NCALD: variants seen among roughly 807,000 people sequenced by gnomAD.
NCALD encodes neurocalcin delta.
Under a neutral mutation model 18.6 loss-of-function variants are expected in NCALD, and 10 were observed. That is an observed-to-expected ratio of 0.54 (90% CI 0.33 to 0.91). NCALD has a LOEUF of 0.91. Ranked by LOEUF, NCALD falls within the 40% of genes least tolerant of loss-of-function variation. NCALD has a pLI of 0.03. For missense variants in NCALD, 184 were observed against 247.6 expected (o/e 0.74, Z 1.72); for synonymous variants, 88 against 87.4 (o/e 1.01, Z -0.04).
chr8:101,791,150 G>A (rs747169634), upstream of NCALD, among the ~76,000 whole-genome samples: 7 of 152,118 alleles, frequency 4.6e-5, no homozygotes, highest in Non-Finnish European at 1.0e-4. Flanking sequence ...ATGTGTGTAC[G>A]CACACACCAT....
intron 2 of NCALD, among the ~76,000 whole-genome samples, chr8:101,984,225 A>G (rs574567840): frequency 1.8e-4 from 27 of 152,344 alleles, no homozygotes; most frequent in African/African-American, 6.3e-4. Context: ...CCTGTATTCA[A>G]TTAAAATATT....
chr8:102,048,142 C>G (rs1179302274), intron 1 of NCALD, among the ~76,000 whole-genome samples: 2 of 152,124 alleles, frequency 1.3e-5, no homozygotes, highest in East Asian at 3.8e-4. Flanking sequence ...AATATTGGAG[C>G]TTTAAGTTAT....
At chr8:101,829,534 T>C (rs1814081555) in intron 4 of NCALD, among the ~76,000 whole-genome samples, 1 of 152,234 alleles carries the variant, frequency 6.6e-6, no homozygotes, top group Non-Finnish European at 1.5e-5. Context: ...GAATGACTTT[T>C]ATCTGGCTCA....
At chr8:102,048,862 T>C (rs1586978350) in intron 1 of NCALD, among the ~76,000 whole-genome samples, 1 of 152,200 alleles carries the variant, frequency 6.6e-6, no homozygotes, top group East Asian at 1.9e-4. Context: ...AGTTGCCTCT[T>C]ACCCTTCAGT....
intron 4 of NCALD, among the ~76,000 whole-genome samples, chr8:101,873,006 GC>G (rs1816085034): frequency 6.6e-6 from 1 of 152,210 alleles, no homozygotes. Flanking sequence ...GCTTCTGCAA[GC>G]AACTGCATTT....
At chr8:101,882,181 TAAC>T (rs907816667) in intron 4 of NCALD, among the ~76,000 whole-genome samples, 3 of 152,184 alleles carry the variant, frequency 2.0e-5, no homozygotes, top group Non-Finnish European at 4.4e-5. Flanking sequence ...AGGATCACGC[TAAC>T]AACATGTCCA....
At chr8:102,032,365 A>T (rs893931270) in intron 1 of NCALD, among the ~76,000 whole-genome samples, 1 of 152,134 alleles carries the variant, frequency 6.6e-6, no homozygotes, top group African/African-American at 2.4e-5. Flanking sequence ...AGACTTGGAT[A>T]TGTTTTGCAT....
intron 3 of NCALD, chr8:101,691,209 T>G: frequency 1.0e-6 from 1 of 985,398 alleles, no homozygotes; most frequent in Non-Finnish European, 1.2e-6. Flanking sequence ...CTGACAGCTG[T>G]GAACTTACAG....
chr8:101,959,584 C>T (rs1819761657), intron 2 of NCALD, among the ~76,000 whole-genome samples: 2 of 152,156 alleles, frequency 1.3e-5, no homozygotes, highest in Admixed American at 6.5e-5. Context: ...TCTGTTATCA[C>T]TCTTCTTGAT....
At chr8:102,052,992 C>A (rs1281885070) in intron 1 of NCALD, among the ~76,000 whole-genome samples, 1 of 152,212 alleles carries the variant, frequency 6.6e-6, no homozygotes, top group Non-Finnish European at 1.5e-5. Context: ...TTGGGCCAGA[C>A]TGAGCCCACA....
At chr8:101,755,024 T>C (rs12545537) in intron 1 of NCALD, among the ~76,000 whole-genome samples, 102,506 of 152,084 alleles carry the variant, frequency 0.67, 35,716 homozygotes, top group East Asian at 0.77. Flanking sequence ...CCTATGACTA[T>C]ACTATCACTT....
chr8:101,844,463 T>A (rs556015860), intron 4 of NCALD, among the ~76,000 whole-genome samples: 1 of 151,938 alleles, frequency 6.6e-6, no homozygotes, highest in South Asian at 2.1e-4. Context: ...GCTCTAGCAA[T>A]CCTTCTGCCT....
chr8:102,048,691 G>A (rs1823330628), intron 1 of NCALD, among the ~76,000 whole-genome samples: 1 of 152,184 alleles, frequency 6.6e-6, no homozygotes, highest in Non-Finnish European at 1.5e-5. Flanking sequence ...TTTCGAATTT[G>A]TTTGTGGGTT....
At chr8:101,836,455 G>T (rs1330281025) in intron 4 of NCALD, among the ~76,000 whole-genome samples, 1 of 152,204 alleles carries the variant, frequency 6.6e-6, no homozygotes. Flanking sequence ...AAATGACCCA[G>T]AGTTGCAGTT....
chr8:101,876,411 G>C (rs1391616152), intron 4 of NCALD, among the ~76,000 whole-genome samples: 2 of 152,220 alleles, frequency 1.3e-5, no homozygotes, highest in Non-Finnish European at 2.9e-5. Flanking sequence ...CAAATAGCCT[G>C]AACAGTATTA....
chr8:101,883,889 T>C (rs554176791), intron 4 of NCALD, among the ~76,000 whole-genome samples: 2 of 152,340 alleles, frequency 1.3e-5, no homozygotes, highest in South Asian at 2.1e-4. Context: ...GGTGAGTAAA[T>C]GAATATCTTC....
At chr8:101,858,564 G>A (rs1297487727) in intron 4 of NCALD, among the ~76,000 whole-genome samples, 1 of 152,116 alleles carries the variant, frequency 6.6e-6, no homozygotes, top group African/African-American at 2.4e-5. Flanking sequence ...GGGAGTGGGA[G>A]TAAGACCAGA....
At chr8:102,118,369 C>T (rs189357495) in intron 1 of NCALD, among the ~76,000 whole-genome samples, 9 of 152,318 alleles carry the variant, frequency 5.9e-5, no homozygotes, top group Admixed American at 5.9e-4. Context: ...CTGGTGGGTT[C>T]CCTGATCTTA....
At chr8:102,064,521 C>T (rs767760255) in intron 1 of NCALD, among the ~76,000 whole-genome samples, 2 of 152,228 alleles carry the variant, frequency 1.3e-5, no homozygotes, top group African/African-American at 4.8e-5. Flanking sequence ...TCAGTTCTTT[C>T]GTTCTTTGTA....
Sources: gnomAD v4.1 joint callset for allele counts (sites outside exome capture counted in the v4.1 genomes callset) on GRCh38, gnomAD v4.1.1 for gene constraint, MANE v1.5 for transcripts, NCBI Gene and HGNC (gene_info 2026-07-23, HGNC 2026-07-21) for gene names.